Variants in RHBDD1 observed in about 807,000 individuals in gnomAD.
The protein encoded by RHBDD1 is rhomboid-related protein 4.
RHBDD1 carries 38 observed loss-of-function variants against 36.3 expected under a neutral mutation model. The observed-to-expected ratio is 1.05, with a 90% CI of 0.81 to 1.37. RHBDD1 has a LOEUF of 1.37. RHBDD1 is among the 40% of genes most tolerant of loss of function. The probability of loss-of-function intolerance (pLI) is 0.00; values close to 1 mark genes in which losing one functional copy is unlikely to be tolerated. For missense variants in RHBDD1, 393 were observed against 377.6 expected (o/e 1.04, Z -0.34); for synonymous variants, 151 against 136.5 (o/e 1.11, Z -0.74).
At chr2:226,815,055 G>A in the RHBDD1 span, among the ~76,000 whole-genome samples, 1 of 152,182 alleles carries the variant, frequency 6.6e-6, no homozygotes, top group African/African-American at 2.4e-5. Flanking sequence ...CTGCAATCTG[G>A]CCACTCAGCA....
At chr2:226,808,085 G>A in the RHBDD1 span, among the ~76,000 whole-genome samples, 38 of 152,270 alleles carry the variant, frequency 2.5e-4, no homozygotes, top group South Asian at 4.1e-4. Context: ...GGTAGTGGCA[G>A]AAGCAGACCT....
intron 8 of RHBDD1, among the ~76,000 whole-genome samples, chr2:226,979,533 G>A (rs1328125229): frequency 1.3e-5 from 2 of 152,072 alleles, no homozygotes; most frequent in Non-Finnish European, 2.9e-5. Flanking sequence ...CTAGGAGCCC[G>A]TTTTACTTGG....
intron 5 of RHBDD1, among the ~76,000 whole-genome samples, chr2:226,897,302 G>A (rs1262857579): frequency 3.3e-5 from 4 of 122,350 alleles, no homozygotes; most frequent in Admixed American, 2.5e-4. Context: ...ACAGTTTGAG[G>A]TGTGTGTGTC....
chr2:226,979,570 G>C (rs1955252073), intron 8 of RHBDD1, among the ~76,000 whole-genome samples: 1 of 152,166 alleles, frequency 6.6e-6, no homozygotes, highest in Non-Finnish European at 1.5e-5. Context: ...AAAGGCAGGA[G>C]GAGAGGAAGC....
the RHBDD1 span, among the ~76,000 whole-genome samples, chr2:226,811,885 A>T: frequency 2.0e-5 from 3 of 152,222 alleles, no homozygotes; most frequent in African/African-American, 7.2e-5. Flanking sequence ...GGGTTCACCA[A>T]TCCACCATAG....
At chr2:226,954,784 C>T (rs187209924) in intron 8 of RHBDD1, among the ~76,000 whole-genome samples, 1 of 151,942 alleles carries the variant, frequency 6.6e-6, no homozygotes, top group East Asian at 1.9e-4. Flanking sequence ...TGAAGGTTCA[C>T]CAAAGACCTT....
the RHBDD1 span, chr2:226,807,754 G>A: frequency 6.6e-6 from 1 of 152,210 alleles, no homozygotes; most frequent in Non-Finnish European, 1.5e-5. Flanking sequence ...CTCTGGGAGG[G>A]GAAACCACTG....
intron 3 of RHBDD1, among the ~76,000 whole-genome samples, chr2:226,847,736 A>C (rs1326127555): frequency 6.6e-6 from 1 of 152,244 alleles, no homozygotes; most frequent in African/African-American, 2.4e-5. Context: ...CTACAAAGGC[A>C]AAATGACCTG....
chr2:226,960,837 G>A (rs1952140911), intron 8 of RHBDD1, among the ~76,000 whole-genome samples: 1 of 152,160 alleles, frequency 6.6e-6, no homozygotes, highest in Non-Finnish European at 1.5e-5. Flanking sequence ...TCCACTGTCA[G>A]AGATTCGAGT....
intron 3 of RHBDD1, among the ~76,000 whole-genome samples, chr2:226,855,117 T>C (rs1028026260): frequency 3.3e-5 from 5 of 152,236 alleles, no homozygotes; most frequent in African/African-American, 1.2e-4. Context: ...CATCTGGACA[T>C]TATCCCACTA....
chr2:226,905,457 G>T (rs993054465), intron 5 of RHBDD1, among the ~76,000 whole-genome samples: 2 of 152,216 alleles, frequency 1.3e-5, no homozygotes, highest in African/African-American at 2.4e-5. Flanking sequence ...TGTGGGAATG[G>T]AGGTAGTAGA....
At chr2:226,983,938 A>G (rs549285089) in intron 8 of RHBDD1, among the ~76,000 whole-genome samples, 1 of 152,186 alleles carries the variant, frequency 6.6e-6, no homozygotes, top group Non-Finnish European at 1.5e-5. Context: ...GGCAAAACGC[A>G]ATGGTGTGGG....
At position 226,995,409 on chromosome 2, in the gene RHBDD1, T is replaced by TC. The variant is rs1470608376; in HGVS notation, c.857-20dup. The TC allele has an allele frequency of 2.7e-6, 4 of 1,499,084 alleles. No homozygotes were observed. In the Admixed American group the frequency reaches 6.7e-5, roughly 25 times the overall value. The allele number at this position is 1,499,084 out of a possible 1,614,324, so 92.9% of individuals were successfully genotyped here. ...TTGTCACGTCAGAATGATTGATTTT[T>TC]CCTTTGGCTTTCTCACTACAGGAAA... On this transcript the variant is annotated intron_variant, in intron 8 of 8. Coordinates refer to ENST00000392062, the MANE Select transcript of RHBDD1 (RefSeq NM_001167608.3).
the RHBDD1 span, among the ~76,000 whole-genome samples, chr2:226,826,404 G>A: frequency 6.6e-6 from 1 of 151,944 alleles, no homozygotes; most frequent in Non-Finnish European, 1.5e-5. Flanking sequence ...CCATAAATAT[G>A]TCAGGATAAT....
intron 8 of RHBDD1, among the ~76,000 whole-genome samples, chr2:226,943,990 C>T (rs148756868): frequency 6.6e-5 from 10 of 152,282 alleles, no homozygotes; most frequent in African/African-American, 1.9e-4. Context: ...TCCAAGTGGC[C>T]ATTGTTGACA....
chr2:226,841,251 G>A (rs763319293), intron 3 of RHBDD1, among the ~76,000 whole-genome samples: 1 of 152,018 alleles, frequency 6.6e-6, no homozygotes, highest in African/African-American at 2.4e-5. Flanking sequence ...TCCCACCTCA[G>A]CCTCCCTAGT....
At chr2:226,905,978 C>T (rs539308951) in intron 5 of RHBDD1, among the ~76,000 whole-genome samples, 1 of 124,442 alleles carries the variant, frequency 8.0e-6, no homozygotes, top group Admixed American at 8.1e-5. Context: ...AGGACCCCCC[C>T]CTTTGTGGTA....
chr2:226,945,018 T>C (rs1348786278), intron 8 of RHBDD1, among the ~76,000 whole-genome samples: 1 of 151,740 alleles, frequency 6.6e-6, no homozygotes. Flanking sequence ...CATGGGGAGA[T>C]TTGTGGGGAG....
intron 5 of RHBDD1, among the ~76,000 whole-genome samples, chr2:226,873,005 C>G (rs1295893851): frequency 6.6e-6 from 1 of 152,168 alleles, no homozygotes; most frequent in Non-Finnish European, 1.5e-5. Context: ...GAGTCCTCTT[C>G]TTACAGTTTT....
Sources: gnomAD v4.1 joint callset for allele counts (sites outside exome capture counted in the v4.1 genomes callset) on GRCh38, gnomAD v4.1.1 for gene constraint, MANE v1.5 for transcripts, NCBI Gene and HGNC (gene_info 2026-07-23, HGNC 2026-07-21) for gene names.